The following RC3H1 variants were observed in gnomAD, a reference collection of about 807,000 sequenced individuals.
RC3H1 encodes the protein ring finger and CCCH-type domains 1.
Under a neutral mutation model 138.2 loss-of-function variants are expected in RC3H1, and 50 were observed. That is an observed-to-expected ratio of 0.36 (90% confidence interval 0.29 to 0.46). The LOEUF (loss-of-function observed/expected upper bound fraction) is 0.46, where lower values mean the gene tolerates loss of function less well. Among genes scored for constraint, RC3H1 ranks in the 20% least tolerant of loss-of-function variants. The pLI, the probability that RC3H1 is intolerant of heterozygous loss-of-function variation, is 1.00. For missense variants in RC3H1, 1,031 were observed against 1,388.1 expected, an observed-to-expected ratio of 0.74 and a Z score of 4.09; for synonymous variants, 462 against 489.1, an observed-to-expected ratio of 0.94 and a Z score of 0.73.
chr1:173,966,706 C>A (rs1034203136), intron 9 of RC3H1, among the ~76,000 whole-genome samples: 2 of 151,360 alleles, frequency 1.3e-5, no homozygotes, highest in African/African-American at 4.9e-5. Context: ...CAGAGCGAGA[C>A]CCTGTCTCAA....
intron 7 of RC3H1, among the ~76,000 whole-genome samples, chr1:173,977,354 G>A (rs1557939086): frequency 6.6e-6 from 1 of 152,148 alleles, no homozygotes; most frequent in South Asian, 2.1e-4. Flanking sequence ...GGGGATATAG[G>A]GGTATTGTGA....
At chr1:174,012,665 T>C (rs1379357430) in intron 1 of RC3H1, among the ~76,000 whole-genome samples, 1 of 151,658 alleles carries the variant, frequency 6.6e-6, no homozygotes, top group Non-Finnish European at 1.5e-5. Flanking sequence ...GCGCCTGTAG[T>C]CCCAGCTACT....
intron 1 of RC3H1, among the ~76,000 whole-genome samples, chr1:174,004,530 G>C (rs904064392): frequency 2.0e-5 from 3 of 152,096 alleles, no homozygotes; most frequent in Non-Finnish European, 4.4e-5. Context: ...GCAGGGCCAG[G>C]GGCAGTGGCT....
At chr1:174,004,534 A>T (rs1233852851) in intron 1 of RC3H1, among the ~76,000 whole-genome samples, 1 of 151,806 alleles carries the variant, frequency 6.6e-6, no homozygotes, top group African/African-American at 2.4e-5. Flanking sequence ...GGCCAGGGGC[A>T]GTGGCTCATG....
chr1:173,982,883 T>C lies in RC3H1; in HGVS notation c.612A>G (p.Leu204=), dbSNP rs1309156016. 3 of 1,611,508 alleles carry C rather than the reference T, an allele frequency of 1.9e-6. No homozygotes were observed. Among genetic ancestry groups the C allele is most frequent in the East Asian group, 2.2e-5 (1 of 44,694 alleles). The change falls in exon 5 of 20, where the codon TTA becomes TTG. Residue 204 remains leucine, a synonymous_variant. Transcript: ENST00000367696. ...CTTCTAAGGCCAGCAGAACCAACTT[T>C]AAAGCTTCCTCCTGCATTGCTAGGG... ...FLGPAMQEEA[L]KLVLLALEDG... is the part of the protein sequence containing the mutation.
intron 9 of RC3H1, among the ~76,000 whole-genome samples, chr1:173,968,881 CAG>C (rs894778362): frequency 8.0e-6 from 1 of 124,708 alleles, no homozygotes; most frequent in African/African-American, 3.5e-5. Context: ...TTTTTGGAGA[CAG>C]AGTCTCGCAC....
chr1:173,993,201 C>T (rs991891870), intron 1 of RC3H1, 66 bp from the exon 2 acceptor site: 1 of 542,468 alleles, frequency 1.8e-6, no homozygotes, highest in East Asian at 3.1e-5. Context: ...TGAAAAAGAA[C>T]CACAAGTCCA....
chr1:173,958,846 T>C (rs1157247707), intron 13 of RC3H1, among the ~76,000 whole-genome samples: 1 of 152,170 alleles, frequency 6.6e-6, no homozygotes, highest in Non-Finnish European at 1.5e-5. Context: ...TATCTATATT[T>C]ACCTGTTTTT....
intron 14 of RC3H1, among the ~76,000 whole-genome samples, chr1:173,951,197 T>C: frequency 6.6e-6 from 1 of 152,132 alleles, no homozygotes; most frequent in South Asian, 2.1e-4. Context: ...TGGTGGCGCA[T>C]GCCTCTAATC....
intron 7 of RC3H1, among the ~76,000 whole-genome samples, chr1:173,976,542 T>C (rs1417304707): frequency 1.3e-5 from 2 of 152,142 alleles, no homozygotes; most frequent in African/African-American, 2.4e-5. Flanking sequence ...AAGTAATTTA[T>C]GACCTTGACA....
chr1:173,996,298 C>T (rs536112488), intron 1 of RC3H1, among the ~76,000 whole-genome samples: 7 of 151,522 alleles, frequency 4.6e-5, no homozygotes, highest in African/African-American at 1.7e-4. Flanking sequence ...AAAAAAAAAG[C>T]CTTGAAGACC....
intron 14 of RC3H1, among the ~76,000 whole-genome samples, chr1:173,948,150 T>C (rs1001733896): frequency 2.0e-5 from 3 of 152,174 alleles, no homozygotes; most frequent in African/African-American, 7.2e-5. Context: ...TTATGCTAGA[T>C]GCCACAAAAT....
chr1:173,975,993 T>C (rs1660564990), intron 7 of RC3H1, among the ~76,000 whole-genome samples: 1 of 149,828 alleles, frequency 6.7e-6, no homozygotes, highest in South Asian at 2.1e-4. Context: ...GATAAGATTA[T>C]CTAGGAAACA....
chr1:173,961,928 G>C lies in RC3H1; in HGVS notation c.1999C>G (p.Pro667Ala). ...ACTCGACGGCCATCATAGTGAGATG[G>C]GTATATAGGTGGGTACTGCTGTGGC... ...TQPQQYPPIY[P>A]SHYDGRRVYP... The change falls in exon 12 of 20, where the codon CCA becomes GCA. Residue 667 changes from proline to alanine, a missense_variant. Pro to Ala is a conservative substitution (Grantham distance 27, BLOSUM62 -1). Around this residue, in one of 7 missense-constraint regions of RC3H1, gnomAD observed 716 missense variants for 837.9 expected, o/e 0.85. Coordinates refer to ENST00000367696, the MANE Select transcript of RC3H1 (RefSeq NM_172071.4). 1 of 1,614,076 alleles carries C rather than the reference G, an allele frequency of 6.2e-7. No individual in the cohort carries two copies. Among genetic ancestry groups the C allele is most frequent in the Non-Finnish European group, 8.5e-7 (1 of 1,179,986 alleles).
Position 173,955,182 on chromosome 1 carries a change from C to T in RC3H1, c.2371-3044G>A, listed in dbSNP as rs551290287. On this transcript the variant is annotated intron_variant, in intron 13 of 19. Coordinates refer to ENST00000367696, the MANE Select transcript of RC3H1 (RefSeq NM_172071.4). The stretch of plus-strand genomic sequence containing the variant: ...CGGAGGTTGCAGTGAGCCGAGATCA[C>T]GCCATTGCACTCCAGCCCAGACGAC... Among the ~76,000 whole-genome samples, 438 of 138,188 alleles carry T rather than the reference C, an allele frequency of 3.2e-3. 4 individuals are homozygous for T. Among genetic ancestry groups the T allele is most frequent in the African/African-American group, 0.012 (427 of 36,552 alleles). The allele number at this position is 138,188 out of a possible 152,430, so 90.7% of individuals were successfully genotyped here.
intron 2 of RC3H1, among the ~76,000 whole-genome samples, chr1:173,989,809 C>A (rs1220213135): frequency 6.8e-6 from 1 of 146,724 alleles, no homozygotes; most frequent in African/African-American, 2.5e-5. Flanking sequence ...TCACTGCAAG[C>A]TCCGCTTCCC....
chr1:173,980,717 G>C, intron 6 of RC3H1, 92 bp downstream of exon 6: 2 of 863,690 alleles, frequency 2.3e-6, no homozygotes, highest in Non-Finnish European at 3.6e-6. Context: ...ATTTACAAAA[G>C]CTATACAGTA....
At chr1:173,981,073 T>A in intron 5 of RC3H1, 64 bp from the exon 6 acceptor site, 1 of 1,358,098 alleles carries the variant, frequency 7.4e-7, no homozygotes, top group African/African-American at 1.5e-5. Flanking sequence ...TATATGAACA[T>A]ATAATTTTTA....
intron 13 of RC3H1, among the ~76,000 whole-genome samples, chr1:173,959,761 C>T (rs1208768421): frequency 6.6e-6 from 1 of 150,544 alleles, no homozygotes; most frequent in Non-Finnish European, 1.5e-5. Flanking sequence ...AAGAGCAACA[C>T]TCTGTCTCAG....
Sources: allele counts gnomAD v4.1 joint callset (sites outside exome capture counted in the v4.1 genomes callset), GRCh38; gene constraint gnomAD v4.1.1; regional missense constraint gnomAD v4.1.1; transcripts MANE v1.5; gene names NCBI Gene and HGNC (gene_info 2026-07-23, HGNC 2026-07-21).